The following RHPN2 variants were observed in gnomAD, a reference collection of about 807,000 sequenced individuals.
RHPN2 encodes rhophilin-2.
A neutral mutation model predicts 79.0 loss-of-function variants in RHPN2; 40 were observed. The observed-to-expected ratio is 0.51, with a 90% CI of 0.39 to 0.66. The LOEUF (loss-of-function observed/expected upper bound fraction) is 0.66, where lower values mean the gene tolerates loss of function less well. Among genes scored for constraint, RHPN2 ranks in the 30% least tolerant of loss-of-function variants. The probability of loss-of-function intolerance (pLI) is 0.00; values close to 1 mark genes in which losing one functional copy is unlikely to be tolerated. For synonymous variants in RHPN2, 285 were observed against 363.5 expected (o/e 0.78, Z 2.46); for missense variants, 686 against 883.5 (o/e 0.78, Z 2.83).
At chr19:32,997,394 G>A (rs1342190119) in intron 10 of RHPN2, among the ~76,000 whole-genome samples, 1 of 152,204 alleles carries the variant, frequency 6.6e-6, no homozygotes, top group African/African-American at 2.4e-5. Flanking sequence ...GGATGGGGTG[G>A]TGATGAGGTT....
chr19:33,062,081 G>A (rs1972284855), intron 1 of RHPN2, among the ~76,000 whole-genome samples: 1 of 152,130 alleles, frequency 6.6e-6, no homozygotes, highest in African/African-American at 2.4e-5. Flanking sequence ...ACTTAACATG[G>A]AGTAGCACAA....
At chr19:32,987,908 T>C (rs1342611446) in intron 14 of RHPN2, among the ~76,000 whole-genome samples, 1 of 152,058 alleles carries the variant, frequency 6.6e-6, no homozygotes, top group Non-Finnish European at 1.5e-5. Flanking sequence ...AGGCCAGGCA[T>C]GGTGGCTCAT....
intron 7 of RHPN2, among the ~76,000 whole-genome samples, chr19:33,007,524 A>ATAAT (rs1348945847): frequency 1.3e-5 from 2 of 151,708 alleles, no homozygotes; most frequent in Non-Finnish European, 2.9e-5. Flanking sequence ...AAATAAATAA[A>ATAAT]TAAAGGCACG....
At position 33,055,603 on chromosome 19, in the gene RHPN2, A is replaced by G. The variant is rs953560798; in HGVS notation, c.69+9181T>C. ...CCCATCAGAAGGCTTCCTCATCCAC[A>G]CAAGCGTTCATAAAAGATGCACACA... On this transcript the variant is annotated intron_variant, in intron 1 of 14. Coordinates refer to ENST00000254260, the MANE Select transcript of RHPN2 (RefSeq NM_033103.5). Among the ~76,000 whole-genome samples the G allele has an allele frequency of 4.6e-5, 7 of 152,020 alleles. No individual in the cohort carries two copies. In the South Asian group the frequency reaches 1.2e-3, roughly 27 times the overall value.
intron 1 of RHPN2, among the ~76,000 whole-genome samples, chr19:33,057,675 CAA>C (rs1387288106): frequency 1.9e-4 from 13 of 68,562 alleles, no homozygotes; most frequent in Non-Finnish European, 1.9e-4. Context: ...AACTCCATCT[CAA>C]AAAAAAAAAA....
intron 1 of RHPN2, among the ~76,000 whole-genome samples, chr19:33,048,578 T>C (rs995886051): frequency 6.6e-6 from 1 of 150,762 alleles, no homozygotes; most frequent in Non-Finnish European, 1.5e-5. Flanking sequence ...ATATAAAAAT[T>C]AGCTGGGCGT....
chr19:33,034,402 A>T (rs1363627402), intron 2 of RHPN2, among the ~76,000 whole-genome samples: 2 of 151,326 alleles, frequency 1.3e-5, no homozygotes, highest in Non-Finnish European at 2.9e-5. Context: ...TCAGGAGATC[A>T]AGACCATCCT....
chr19:33,018,810 C>T (rs914389494), intron 4 of RHPN2, among the ~76,000 whole-genome samples: 2 of 151,964 alleles, frequency 1.3e-5, no homozygotes, highest in African/African-American at 4.8e-5. Flanking sequence ...TTTGGGAGGC[C>T]GAGGCGGGTG....
chr19:33,037,331 A>C (rs1481283323), intron 2 of RHPN2, among the ~76,000 whole-genome samples: 1 of 152,170 alleles, frequency 6.6e-6, no homozygotes, highest in African/African-American at 2.4e-5. Context: ...TAAATGCACC[A>C]ATCAGCACCC....
chr19:33,023,093 G>A (rs1255255574), intron 3 of RHPN2, among the ~76,000 whole-genome samples: 1 of 152,104 alleles, frequency 6.6e-6, no homozygotes, highest in Non-Finnish European at 1.5e-5. Context: ...CCTCCTAGAA[G>A]ACTGTAAAGA....
chr19:33,036,899 T>G (rs1240738591), intron 2 of RHPN2, among the ~76,000 whole-genome samples: 3 of 142,084 alleles, frequency 2.1e-5, no homozygotes, highest in Non-Finnish European at 3.0e-5. Flanking sequence ...TGGGCTCCTG[T>G]GTAGCCCGAG....
Position 32,996,210 on chromosome 19 carries a change from G to A in RHPN2, c.1236C>T (p.His412=). Residue 412 remains histidine, a synonymous_variant, in exon 11 of 15, where the codon CAC becomes CAT. Transcript: ENST00000254260. ...DQQRRQLGKS[H]LRRAMAHHEE... ...CGTGATGAGCCATGGCTCTGCGCAA[G>A]TGGGACTTCCCTGCAGACGGAAGCC... 6.2e-7 allele frequency: 1 copy of A among 1,614,160 alleles called. No individual in the cohort carries two copies. Among genetic ancestry groups the A allele is most frequent in the Non-Finnish European group, 8.5e-7 (1 of 1,180,046 alleles).
At chr19:33,064,367 T>C (rs1197217963) in intron 1 of RHPN2, among the ~76,000 whole-genome samples, 2 of 151,544 alleles carry the variant, frequency 1.3e-5, no homozygotes, top group Admixed American at 6.6e-5. Context: ...ATGGTCTGTC[T>C]CCACCCGCGC....
intron 4 of RHPN2, 33 bp downstream of exon 4, chr19:33,021,538 A>C (rs766851371): frequency 1.9e-6 from 3 of 1,579,024 alleles, no homozygotes; most frequent in Non-Finnish European, 2.6e-6. Context: ...CATTTTAAAC[A>C]CTGAGTCTGG....
intron 14 of RHPN2, among the ~76,000 whole-genome samples, chr19:32,985,577 A>G (rs975452591): frequency 6.6e-6 from 1 of 152,178 alleles, no homozygotes; most frequent in Non-Finnish European, 1.5e-5. Flanking sequence ...TCAAGGCCAC[A>G]GTGAACCGAT....
intron 14 of RHPN2, among the ~76,000 whole-genome samples, chr19:32,990,168 C>CAATAAA (rs1971646012): frequency 6.7e-6 from 1 of 150,082 alleles, no homozygotes; most frequent in African/African-American, 2.4e-5. Context: ...AAAGAAAGAG[C>CAATAAA]GAGCCAGGGG....
At chr19:33,012,562 G>C in intron 5 of RHPN2, 85 bp downstream of exon 5, 1 of 872,754 alleles carries the variant, frequency 1.1e-6, no homozygotes, top group South Asian at 1.3e-5. Flanking sequence ...CCGCGATTCT[G>C]TTAAGACCAC....
At chr19:33,015,423 T>TAA (rs1971870024) in intron 4 of RHPN2, among the ~76,000 whole-genome samples, 1 of 141,416 alleles carries the variant, frequency 7.1e-6, no homozygotes. Context: ...AGACTTCGCC[T>TAA]CAAAAAAAAA....
chr19:33,000,779 C>G lies in RHPN2; in HGVS notation c.1106-1074G>C, dbSNP rs539974542. Among the ~76,000 whole-genome samples, 20 of 152,276 alleles carry G rather than the reference C, an allele frequency of 1.3e-4. 1 individual carries two copies. In the South Asian group the frequency reaches 4.1e-3, roughly 32 times the overall value. On this transcript the variant is annotated intron_variant, in intron 9 of 14. Coordinates refer to ENST00000254260, the MANE Select transcript of RHPN2 (RefSeq NM_033103.5). ...ACACTTTACTCCCTCTAGGCTGACC[C>G]TTCCCTCCTGTGCAGATGGAAAAGT...
Sources: allele counts gnomAD v4.1 joint callset (sites outside exome capture counted in the v4.1 genomes callset), GRCh38; gene constraint gnomAD v4.1.1; transcripts MANE v1.5; gene names NCBI Gene and HGNC (gene_info 2026-07-23, HGNC 2026-07-21).